KLRG1: variants seen among roughly 807,000 people sequenced by gnomAD.
KLRG1 encodes the protein killer cell lectin-like receptor subfamily G member 1.
KLRG1 carries 16 observed loss-of-function variants against 21.8 expected under a neutral mutation model. That is an observed-to-expected ratio of 0.73 (90% CI 0.50 to 1.11). KLRG1 has a LOEUF of 1.11. KLRG1 is among the 50% of genes most tolerant of loss of function. KLRG1 has a pLI of 0.00. For synonymous variants in KLRG1, 69 were observed against 75.9 expected, an observed-to-expected ratio of 0.91 and a Z score of 0.47; for missense variants, 173 against 218.3, an observed-to-expected ratio of 0.79 and a Z score of 1.31.
At chr12:9,041,907 C>G in the KLRG1 span, among the ~76,000 whole-genome samples, 3 of 152,264 alleles carry the variant, frequency 2.0e-5, no homozygotes, top group Admixed American at 6.5e-5. Flanking sequence ...ATCACCAAAA[C>G]AGAGACTGGT....
chr12:9,167,848 A>G, the KLRG1 span, among the ~76,000 whole-genome samples: 4 of 152,142 alleles, frequency 2.6e-5, no homozygotes, highest in Non-Finnish European at 5.9e-5. Context: ...AGTTTGTTCT[A>G]TGTAAATCTC....
chr12:9,092,834 T>G, the KLRG1 span, among the ~76,000 whole-genome samples: 1 of 152,216 alleles, frequency 6.6e-6, no homozygotes, highest in Non-Finnish European at 1.5e-5. Context: ...ACAGCATTAT[T>G]CACAGTTGCC....
upstream of KLRG1, chr12:8,988,483 GCA>G (rs1160168167): frequency 3.3e-5 from 5 of 152,030 alleles, no homozygotes. Context: ...TTAATATAAA[GCA>G]CTCCCTGTTT....
At chr12:9,181,045 G>T in the KLRG1 span, 1 of 1,614,202 alleles carries the variant, frequency 6.2e-7, no homozygotes, top group Non-Finnish European at 8.5e-7. Context: ...ACAGCACGAA[G>T]GGCACAGAGG....
At chr12:9,193,718 A>AGTGT in the KLRG1 span, among the ~76,000 whole-genome samples, 1 of 151,804 alleles carries the variant, frequency 6.6e-6, no homozygotes, top group Non-Finnish European at 1.5e-5. Context: ...GTGTATATTA[A>AGTGT]GTGTGTGTGT....
chr12:8,957,805 G>A (rs1235039701), intron 1 of KLRG1, among the ~76,000 whole-genome samples: 1 of 152,152 alleles, frequency 6.6e-6, no homozygotes. Flanking sequence ...GATGGAGCAG[G>A]ACAGTGCAAG....
chr12:9,126,076 A>G, the KLRG1 span, among the ~76,000 whole-genome samples: 3 of 152,360 alleles, frequency 2.0e-5, no homozygotes, highest in Admixed American at 1.3e-4. Flanking sequence ...CCTCAAATTT[A>G]TAATTACAAT....
At chr12:9,068,651 A>G in the KLRG1 span, 1,257 of 1,023,906 alleles carry the variant, frequency 1.2e-3, 30 homozygotes, top group East Asian at 0.027. Flanking sequence ...TAATTACTTA[A>G]TGTAATAAAT....
the KLRG1 span, among the ~76,000 whole-genome samples, chr12:9,203,118 A>T: frequency 1.3e-5 from 2 of 152,294 alleles, no homozygotes; most frequent in East Asian, 3.9e-4. Context: ...TTTTCATATG[A>T]TCTATTTCTA....
At position 8,960,838 on chromosome 12, in the gene KLRG1, G is replaced by C. The variant is rs774681083; in HGVS notation, c.-156+10602G>C. 9.9e-5 allele frequency among the ~76,000 whole-genome samples: 15 copies of C among 152,254 alleles called. No homozygotes were observed. In the South Asian group the frequency reaches 3.1e-3, roughly 32 times the overall value. On this transcript the variant is annotated intron_variant, in intron 1 of 4. Transcript: ENST00000539240. ...CATTATAAAAATTCAGATTCCTTAA[G>C]CTCAAGGGAGATTCCCTAAGGTCTC...
At chr12:9,069,857 A>T in the KLRG1 span, 1 of 1,562,094 alleles carries the variant, frequency 6.4e-7, no homozygotes, top group Non-Finnish European at 8.8e-7. Context: ...AATAGATGAA[A>T]CCCCTGGGGG....
At chr12:9,168,394 C>T in the KLRG1 span, 1 of 152,504 alleles carries the variant, frequency 6.6e-6, no homozygotes. Flanking sequence ...GGTGATGGGA[C>T]AGATGTTTTA....
chr12:9,094,882 G>A, the KLRG1 span: 2 of 625,248 alleles, frequency 3.2e-6, no homozygotes, highest in African/African-American at 3.8e-5. Context: ...TGTCCTTTTT[G>A]TTTGTTAATT....
At chr12:9,090,617 T>G in the KLRG1 span, 1 of 858,044 alleles carries the variant, frequency 1.2e-6, no homozygotes, top group Non-Finnish European at 1.8e-6. Flanking sequence ...GAAGATCAAG[T>G]ACCTGAAATA....
the KLRG1 span, among the ~76,000 whole-genome samples, chr12:9,184,410 A>G: frequency 6.6e-6 from 1 of 152,192 alleles, no homozygotes; most frequent in African/African-American, 2.4e-5. Flanking sequence ...CCCCACCCCC[A>G]TGCTAACACC....
chr12:9,027,991 A>G, the KLRG1 span: 2 of 1,100,582 alleles, frequency 1.8e-6, no homozygotes, highest in Non-Finnish European at 2.7e-6. Context: ...ACAGTATGGT[A>G]TTTCTGAATG....
chr12:9,077,523 C>T, the KLRG1 span: 27 of 1,463,348 alleles, frequency 1.8e-5, no homozygotes, highest in Non-Finnish European at 2.4e-5. Flanking sequence ...TACCCATATC[C>T]ATCCCTATAG....
the KLRG1 span, chr12:9,069,902 C>A: frequency 1.0e-5 from 11 of 1,083,334 alleles, no homozygotes; most frequent in Admixed American, 1.8e-5. Context: ...GCCAAAATAA[C>A]CCTGAGGGTA....
At chr12:9,180,942 G>A in the KLRG1 span, 1 of 1,585,830 alleles carries the variant, frequency 6.3e-7, no homozygotes, top group South Asian at 1.2e-5. Context: ...CTGAGCCTCT[G>A]GAATGGCCCT....
Sources: gnomAD v4.1 joint callset for allele counts (sites outside exome capture counted in the v4.1 genomes callset) on GRCh38, gnomAD v4.1.1 for gene constraint, MANE v1.5 for transcripts, NCBI Gene and HGNC (gene_info 2026-07-23, HGNC 2026-07-21) for gene names.